Variants in DNAH11 observed in about 807,000 individuals in gnomAD.
DNAH11 encodes the protein dynein axonemal heavy chain 11, also known as axonemal beta dynein heavy chain 11.
Under a neutral mutation model 526.0 loss-of-function variants are expected in DNAH11, and 442 were observed. The ratio of observed to expected loss-of-function variants is 0.84; its 90% CI spans 0.78 to 0.91. DNAH11 has a LOEUF of 0.91. DNAH11 is among the 40% of genes least tolerant of loss of function. The probability of loss-of-function intolerance (pLI) is 0.00; values close to 1 mark genes in which losing one functional copy is unlikely to be tolerated. For missense variants in DNAH11, 6,989 were observed against 5,448.7 expected (o/e 1.28, Z -8.90); for synonymous variants, 2,461 against 1,935.9 (o/e 1.27, Z -7.12).
chr7:21,655,890 A>G lies in DNAH11; in HGVS notation c.5003A>G (p.Asn1668Ser), dbSNP rs745974547. Residue 1668 changes from asparagine (N) to serine (S), a missense_variant, in exon 29 of 82, where the codon AAT becomes AGT. Physicochemically the swap from Asn to Ser is conservative, Grantham distance 46 (BLOSUM62 1). Transcript: ENST00000409508. ...ATTGCAGATCTGCAGTTTGAAGACA[A>G]TCAGGATGTTTCTGCACACAGGGCA... ...DSIADLQFEDNQDVSAHRAVG... is the reference protein window; with the variant it reads ...DSIADLQFEDSQDVSAHRAVG... 1.2e-5 allele frequency: 19 copies of G among 1,613,422 alleles called. No individual in the cohort carries two copies. In the South Asian group the frequency reaches 1.9e-4, roughly 16 times the overall value.
intron 5 of DNAH11, chr7:21,561,469 A>T (rs1432963532): frequency 1.2e-5 from 3 of 242,064 alleles, no homozygotes; most frequent in Non-Finnish European, 2.3e-5. Flanking sequence ...ATAAGTCTGG[A>T]TAGAGGTTTT....
intron 38 of DNAH11, among the ~76,000 whole-genome samples, chr7:21,705,043 C>T (rs1343295278): frequency 6.6e-6 from 1 of 152,128 alleles, no homozygotes; most frequent in African/African-American, 2.4e-5. Flanking sequence ...CATATCAAAG[C>T]CTCGTGCATA....
In DNAH11 at chr7:21,873,337, G is replaced by A. The variant is rs1783571385; in HGVS notation, c.12031G>A (p.Gly4011Arg). The part of the protein sequence containing the change: ...LEKLLERFSQ[G>R]SHRDYRVFMS... ...GAAGCTCCTTGAAAGATTCAGCCAA[G>A]GAAGCCACAGAGATTACAGGGTTTT... Residue 4011 changes from glycine (G) to arginine (R), a missense_variant, in exon 74 of 82, where the codon GGA becomes AGA. By Grantham distance (125) the Gly-to-Arg change is moderately radical (BLOSUM62 -2). Transcript: ENST00000409508. 2 of 1,612,464 alleles carry A rather than the reference G, an allele frequency of 1.2e-6. No homozygotes were observed. Among genetic ancestry groups the A allele is most frequent in the Non-Finnish European group, 1.7e-6 (2 of 1,179,182 alleles).
intron 46 of DNAH11, 86 bp downstream of exon 46, chr7:21,735,930 T>G: frequency 3.2e-6 from 4 of 1,242,324 alleles, no homozygotes; most frequent in Non-Finnish European, 3.3e-6. Context: ...AATAATGCCT[T>G]TCCCTAGAAT....
Position 21,735,689 on chromosome 7 carries a change from A to T in DNAH11, c.7490A>T (p.Glu2497Val). The T allele has an allele frequency of 6.8e-6, 11 of 1,612,622 alleles. No individual in the cohort carries two copies. Among genetic ancestry groups the T allele is most frequent in the Non-Finnish European group, 9.3e-6 (11 of 1,179,208 alleles). ...TETARLRYFM[E>V]LLLEKGKPLM... ...ACAGCTCGTCTTAGATATTTCATGG[A>T]GTTGTTGCTTGAGAAAGGAAAACCT... The change falls in exon 46 of 82, where the codon GAG (glutamate) becomes GTG (valine). Residue 2497 changes from glutamate (E) to valine (V), a missense_variant. Coordinates refer to ENST00000409508, the MANE Select transcript of DNAH11 (RefSeq NM_001277115.2).
At chr7:21,879,920 A>AT (rs1203779353) in intron 74 of DNAH11, among the ~76,000 whole-genome samples, 4 of 152,110 alleles carry the variant, frequency 2.6e-5, no homozygotes, top group Admixed American at 2.6e-4. Context: ...ACCCATCTCT[A>AT]TTAAAAATAC....
chr7:21,746,626 G>A (rs780887272), intron 51 of DNAH11, among the ~76,000 whole-genome samples: 6 of 151,910 alleles, frequency 3.9e-5, no homozygotes, highest in Non-Finnish European at 5.9e-5. Flanking sequence ...ACAAGAAGAA[G>A]GAAAAATCCA....
chr7:21,709,611 CA>C (rs1163654827), intron 40 of DNAH11, among the ~76,000 whole-genome samples: 3 of 152,238 alleles, frequency 2.0e-5, no homozygotes, highest in Admixed American at 2.0e-4. Flanking sequence ...AATAATAAAG[CA>C]GGACACCCTT....
chr7:21,793,192 T>G (rs1023682248), intron 61 of DNAH11, among the ~76,000 whole-genome samples: 4 of 152,230 alleles, frequency 2.6e-5, no homozygotes, highest in South Asian at 2.1e-4. Context: ...CCTCTTGTTT[T>G]TCATTTCTAG....
intron 35 of DNAH11, 36 bp downstream of exon 35, chr7:21,690,917 A>G (rs923700488): frequency 4.1e-6 from 6 of 1,457,706 alleles, no homozygotes; most frequent in South Asian, 2.4e-5. Flanking sequence ...CATCTGGTGC[A>G]CTCATGCCAC....
intron 45 of DNAH11, among the ~76,000 whole-genome samples, chr7:21,732,726 C>T (rs1344154481): frequency 2.6e-5 from 4 of 152,170 alleles, no homozygotes; most frequent in South Asian, 4.1e-4. Flanking sequence ...TGTGATCATC[C>T]CATCTTTCTA....
At chr7:21,782,791 T>C (rs889400857) in intron 57 of DNAH11, among the ~76,000 whole-genome samples, 1 of 151,896 alleles carries the variant, frequency 6.6e-6, no homozygotes, top group Non-Finnish European at 1.5e-5. Flanking sequence ...GTGCCTGTAA[T>C]CCCAGCTACT....
chr7:21,793,305 T>C (rs1408735972), intron 61 of DNAH11, among the ~76,000 whole-genome samples: 1 of 152,188 alleles, frequency 6.6e-6, no homozygotes, highest in East Asian at 1.9e-4. Context: ...TTCTGGAGAA[T>C]GTTCCATGTG....
chr7:21,551,953 C>T (rs1402873198), intron 2 of DNAH11, among the ~76,000 whole-genome samples: 1 of 152,124 alleles, frequency 6.6e-6, no homozygotes, highest in African/African-American at 2.4e-5. Context: ...TATTCCTGAC[C>T]CAGTGTGGGT....
chr7:21,543,369 G>C lies in DNAH11; in HGVS notation c.124G>C (p.Glu42Gln), dbSNP rs1221170309. Residue 42 changes from glutamate to glutamine, a missense_variant, in exon 1 of 82, where the codon GAG becomes CAG. Physicochemically the swap from Glu to Gln is conservative, Grantham distance 29. Transcript: ENST00000409508. The stretch of plus-strand genomic sequence containing the variant: ...GGAGCTCGAGGAGGAGGAGGAGAAC[G>C]AGGAGGAGGCGGCGGCCAGGAGAGC... ...AVELEEEEEN[E>Q]EEAAARRARS... 3 of 1,551,610 alleles carry C rather than the reference G, an allele frequency of 1.9e-6. No individual in the cohort carries two copies. The highest frequency in any genetic ancestry group is 2.6e-6 in the Non-Finnish European group (3 of 1,146,814).
At chr7:21,621,911 G>T (rs991401471) in intron 25 of DNAH11, among the ~76,000 whole-genome samples, 1 of 152,110 alleles carries the variant, frequency 6.6e-6, no homozygotes, top group African/African-American at 2.4e-5. Flanking sequence ...ACTGGCACGA[G>T]ACAGGGATGC....
chr7:21,586,938 C>T (rs889313543), intron 9 of DNAH11, among the ~76,000 whole-genome samples: 10 of 152,212 alleles, frequency 6.6e-5, no homozygotes, highest in African/African-American at 1.7e-4. Flanking sequence ...TTTCAAATCC[C>T]AGCTCCGCCA....
chr7:21,700,434 A>G (rs1442176258), intron 36 of DNAH11, among the ~76,000 whole-genome samples: 3 of 152,142 alleles, frequency 2.0e-5, no homozygotes, highest in Admixed American at 1.3e-4. Context: ...ACTTTTAGCT[A>G]TTTGCATTGT....
intron 6 of DNAH11, among the ~76,000 whole-genome samples, chr7:21,565,180 G>C (rs372141841): frequency 1.3e-5 from 2 of 152,172 alleles, no homozygotes; most frequent in Admixed American, 6.5e-5. Flanking sequence ...GGGTGCCAGC[G>C]TGCTCAGATT....
Sources: gnomAD v4.1 joint callset for allele counts (sites outside exome capture counted in the v4.1 genomes callset) on GRCh38, gnomAD v4.1.1 for gene constraint, MANE v1.5 for transcripts, NCBI Gene and HGNC (gene_info 2026-07-23, HGNC 2026-07-21) for gene names.